TSNARE1: variants seen among roughly 807,000 people sequenced by gnomAD.
The protein encoded by TSNARE1 is t-SNARE domain-containing protein 1.
In TSNARE1, 49 loss-of-function variants were observed where a neutral mutation model predicts 62.0. The ratio of observed to expected loss-of-function variants is 0.79; its 90% CI spans 0.63 to 1.00. TSNARE1 has a LOEUF of 1.00. Among genes scored for constraint, TSNARE1 ranks in the 50% least tolerant of loss-of-function variants. The pLI is 0.00. For missense variants in TSNARE1, 755 were observed against 700.1 expected, an observed-to-expected ratio of 1.08 and a Z score of -0.88; for synonymous variants, 328 against 294.4, an observed-to-expected ratio of 1.11 and a Z score of -1.17.
At position 142,251,180 on chromosome 8, in the gene TSNARE1, CCCTACAGGCCCCCACCGCCTT is replaced by C. The variant is rs1467772887; in HGVS notation, c.1447-21622_1447-21602del. On this transcript the variant is annotated intron_variant, in intron 12 of 13. Coordinates refer to ENST00000524325, the MANE Select transcript of TSNARE1 (RefSeq NM_145003.5). ...GCATTTGGGATCAGAGCCAGACTCT[CCCTACAGGCCCCCACCGCCTT>C]CCACCAGATTCCCAGTCTCCAGACC... Among the ~76,000 whole-genome samples, 38 of 152,264 alleles carry C rather than the reference CCCTACAGGCCCCCACCGCCTT, an allele frequency of 2.5e-4. No individual in the cohort carries two copies. The East Asian group carries it at 3.7e-3, about 15-fold the overall frequency.
chr8:142,268,517 T>C (rs550918660), intron 12 of TSNARE1, among the ~76,000 whole-genome samples: 107 of 152,246 alleles, frequency 7.0e-4, no homozygotes, highest in Non-Finnish European at 1.4e-3. Context: ...CACTCTAGAC[T>C]GTGCAATCCC....
At chr8:142,294,956 C>G (rs554564298) in intron 10 of TSNARE1, among the ~76,000 whole-genome samples, 4 of 152,180 alleles carry the variant, frequency 2.6e-5, no homozygotes, top group Non-Finnish European at 4.4e-5. Context: ...CACTCACCTC[C>G]GCGGCACCTG....
chr8:142,298,665 G>A (rs1825166082), intron 10 of TSNARE1, among the ~76,000 whole-genome samples: 2 of 152,178 alleles, frequency 1.3e-5, no homozygotes, highest in South Asian at 4.1e-4. Context: ...GCTTCTGTGA[G>A]CGACCTCCAC....
At chr8:142,361,795 G>A (rs962831134) in intron 1 of TSNARE1, among the ~76,000 whole-genome samples, 1 of 152,192 alleles carries the variant, frequency 6.6e-6, no homozygotes, top group Non-Finnish European at 1.5e-5. Flanking sequence ...TCAGTTCACA[G>A]GGACGGGTGC....
intron 9 of TSNARE1, among the ~76,000 whole-genome samples, chr8:142,313,242 C>T (rs1827907900): frequency 6.6e-6 from 1 of 151,360 alleles, no homozygotes; most frequent in African/African-American, 2.4e-5. Context: ...CTGCATGTGT[C>T]TAGATGTCTG....
At chr8:142,249,015 C>G (rs1818024015) in intron 12 of TSNARE1, among the ~76,000 whole-genome samples, 2 of 152,240 alleles carry the variant, frequency 1.3e-5, no homozygotes, top group South Asian at 4.1e-4. Context: ...ACATCCACCT[C>G]TCAAAGCCTG....
At chr8:142,271,827 G>T in intron 12 of TSNARE1, 1 of 528,070 alleles carries the variant, frequency 1.9e-6, no homozygotes, top group Non-Finnish European at 3.0e-6. Flanking sequence ...TGCTCCGTCT[G>T]CAGTGGGAGT....
intron 4 of TSNARE1, among the ~76,000 whole-genome samples, chr8:142,338,170 G>A (rs1586888376): frequency 6.6e-6 from 1 of 152,202 alleles, no homozygotes; most frequent in African/African-American, 2.4e-5. Context: ...CAGGGATAAC[G>A]GGACACCCTA....
chr8:142,381,725 C>A lies in TSNARE1; in HGVS notation c.-40+21379G>T, dbSNP rs575354688. Among the ~76,000 whole-genome samples the A allele has an allele frequency of 3.9e-4, 59 of 152,280 alleles. No homozygotes were observed. In the South Asian group the frequency reaches 0.012, roughly 31 times the overall value. On this transcript the variant is annotated intron_variant, in intron 1 of 13. Coordinates refer to ENST00000524325, the MANE Select transcript of TSNARE1 (RefSeq NM_145003.5). ...AGTTTCCTTCAGTGGGAGTGTCAGCCCCAGGCTGTAAGCAAGTCCCCAACC... is the reference window on the plus strand; with the variant it reads ...AGTTTCCTTCAGTGGGAGTGTCAGCACCAGGCTGTAAGCAAGTCCCCAACC...
At chr8:142,396,234 A>AAC (rs144100549) in intron 1 of TSNARE1, among the ~76,000 whole-genome samples, 98 of 151,460 alleles carry the variant, frequency 6.5e-4, no homozygotes, top group Non-Finnish European at 9.3e-4. Flanking sequence ...GATAAACACA[A>AAC]ACACACACAC....
At position 142,344,249 on chromosome 8, in the gene TSNARE1, C is replaced by T; in HGVS notation, c.462G>A (p.Lys154=). 1 of 1,611,358 alleles carries T rather than the reference C, an allele frequency of 6.2e-7. No homozygotes were observed. The highest frequency in any genetic ancestry group is 8.5e-7 in the Non-Finnish European group (1 of 1,178,158). ...CGCGGTACCTGCGAGTGGGCTCGGC[C>T]TTCAGCAGCCCCGTGCCAAACAGCA... ...HQLLFGTGLL[K]AEPTRRYRVW... Residue 154 remains lysine (K), a synonymous_variant, in exon 4 of 14, where the codon AAG becomes AAA. Transcript: ENST00000524325.
intron 11 of TSNARE1, among the ~76,000 whole-genome samples, chr8:142,283,722 T>C (rs1360232088): frequency 6.9e-6 from 1 of 144,764 alleles, no homozygotes; most frequent in African/African-American, 2.6e-5. Flanking sequence ...TGTCTGTCAA[T>C]GAGCAGAGGC....
intron 4 of TSNARE1, among the ~76,000 whole-genome samples, chr8:142,333,297 A>G (rs1174067661): frequency 6.6e-6 from 1 of 152,228 alleles, no homozygotes; most frequent in East Asian, 1.9e-4. Context: ...TCCGAAACGC[A>G]TGCAGGTGGA....
intron 4 of TSNARE1, among the ~76,000 whole-genome samples, chr8:142,332,515 G>T (rs777605798): frequency 6.6e-6 from 1 of 152,168 alleles, no homozygotes. Flanking sequence ...CAGACACTGA[G>T]CTATATGCTT....
At chr8:142,385,078 A>G (rs563267396) in intron 1 of TSNARE1, among the ~76,000 whole-genome samples, 1 of 152,250 alleles carries the variant, frequency 6.6e-6, no homozygotes, top group African/African-American at 2.4e-5. Flanking sequence ...AAATGAGGTG[A>G]GAGAAAGAGA....
At chr8:142,298,005 C>G (rs2131256126) in intron 10 of TSNARE1, among the ~76,000 whole-genome samples, 1 of 152,318 alleles carries the variant, frequency 6.6e-6, no homozygotes, top group East Asian at 1.9e-4. Flanking sequence ...GCCAGGCTGG[C>G]CATGGGGCCT....
At chr8:142,266,367 C>CGGA (rs1819131142) in intron 12 of TSNARE1, among the ~76,000 whole-genome samples, 1 of 152,292 alleles carries the variant, frequency 6.6e-6, no homozygotes, top group East Asian at 1.9e-4. Context: ...GATTCCAGTC[C>CGGA]TTCACCTTGA....
chr8:142,305,514 A>C (rs1398324274), intron 9 of TSNARE1, among the ~76,000 whole-genome samples: 2 of 152,110 alleles, frequency 1.3e-5, no homozygotes, highest in South Asian at 2.1e-4. Context: ...GAGACCCCGC[A>C]GGTGCTCGGT....
intron 13 of TSNARE1, among the ~76,000 whole-genome samples, chr8:142,217,881 CAGGGCTCAGTGTGTGACCAGG>C: frequency 2.1e-5 from 1 of 48,038 alleles, no homozygotes; most frequent in African/African-American, 6.3e-5. Flanking sequence ...TGGCCAGGAT[CAGGGCTCAGTGTGTGACCAGG>C]ATCAGGGCTC....
Sources: gnomAD v4.1 joint callset for allele counts (sites outside exome capture counted in the v4.1 genomes callset) on GRCh38, gnomAD v4.1.1 for gene constraint, MANE v1.5 for transcripts, NCBI Gene and HGNC (gene_info 2026-07-23, HGNC 2026-07-21) for gene names.